Variants in SV2B observed in about 807,000 individuals in gnomAD.
SV2B encodes the protein synaptic vesicle glycoprotein 2B, also known as solute carrier family 22 member B2.
Under a neutral mutation model 73.9 loss-of-function variants are expected in SV2B, and 41 were observed. That is an observed-to-expected ratio of 0.56 (90% CI 0.43 to 0.72). The LOEUF is 0.72. SV2B is among the 30% of genes least tolerant of loss of function. The pLI is 0.00. For synonymous variants in SV2B, 314 were observed against 314.2 expected (o/e 1.00, Z 0.01); for missense variants, 764 against 857.8 (o/e 0.89, Z 1.37).
chr15:91,249,515 G>A (rs2047397799), intron 2 of SV2B, among the ~76,000 whole-genome samples: 1 of 152,210 alleles, frequency 6.6e-6, no homozygotes, highest in African/African-American at 2.4e-5. Context: ...ATGAACTAAT[G>A]TAAAGAGAAG....
Position 91,139,901 on chromosome 15 carries a change from A to C in SV2B, c.-392+39538A>C, listed in dbSNP as rs989690768. ...CCAAGGAAGGGAGGAAGATCCGGCC[A>C]CTTTGTTCCTAGAGTTTGGTGAGAG... On this transcript the variant is annotated intron_variant, in intron 1 of 12. Transcript: ENST00000394232. The surrounding 1 kb of genome is among the most constrained non-coding windows in gnomAD (Gnocchi z 5.2). 6.6e-6 allele frequency among the ~76,000 whole-genome samples: 1 copy of C among 152,212 alleles called. No homozygotes were observed. Among genetic ancestry groups the C allele is most frequent in the Non-Finnish European group, 1.5e-5 (1 of 68,036 alleles).
rs139925064 is a variant in SV2B at position 91,101,357 on chromosome 15, G to A, written c.-392+994G>A. ...CTGCCCTTTCCAGAAGAGGTGACTT[G>A]TTCTGCTTGTTCCAGTTGGTGCAGT... On this transcript the variant is annotated intron_variant, in intron 1 of 12. Transcript: ENST00000394232. 7.9e-5 allele frequency among the ~76,000 whole-genome samples: 12 copies of A among 152,200 alleles called. No homozygotes were observed. The East Asian group carries it at 2.3e-3, about 29-fold the overall frequency.
Position 91,240,064 on chromosome 15 carries a change from C to T in SV2B, c.452-11755C>T, listed in dbSNP as rs544956261. Among the ~76,000 whole-genome samples the T allele has an allele frequency of 4.6e-5, 7 of 152,200 alleles. No individual in the cohort carries two copies. Among genetic ancestry groups the T allele is most frequent in the Admixed American group, 1.3e-4 (2 of 15,300 alleles). ...TCTGAGGAGGCAATCTCTCTGAACA[C>T]GTTTAATACCTGAACAAAAGCCAGG... On this transcript the variant is annotated intron_variant, in intron 2 of 12. Coordinates refer to ENST00000394232, the MANE Select transcript of SV2B (RefSeq NM_001323032.3). This position sits in a 1 kb window ranked among gnomAD's most constrained non-coding sequence, Gnocchi z 4.6.
intron 1 of SV2B, among the ~76,000 whole-genome samples, chr15:91,133,732 G>A (rs539655415): frequency 1.8e-4 from 27 of 152,036 alleles, no homozygotes; most frequent in Non-Finnish European, 2.8e-4. Context: ...ACAGCTTGGC[G>A]CCATGGCAAC....
intron 1 of SV2B, among the ~76,000 whole-genome samples, chr15:91,206,449 G>A (rs1028322272): frequency 1.3e-5 from 2 of 152,114 alleles, no homozygotes; most frequent in African/African-American, 4.8e-5. Flanking sequence ...CATCCACATG[G>A]GGCTGCTCTT....
At chr15:91,170,132 A>G (rs1474420791) in intron 1 of SV2B, among the ~76,000 whole-genome samples, 1 of 152,176 alleles carries the variant, frequency 6.6e-6, no homozygotes, top group South Asian at 2.1e-4. Context: ...ATTTTTTTAA[A>G]GACCTTGACC....
chr15:91,171,438 C>A (rs1015949803), intron 1 of SV2B, among the ~76,000 whole-genome samples: 4 of 152,154 alleles, frequency 2.6e-5, no homozygotes, highest in African/African-American at 9.7e-5. Flanking sequence ...TCTTGACTGG[C>A]TGGGCCAGGC....
At chr15:91,291,985 A>G (rs1392376731) in intron 12 of SV2B, among the ~76,000 whole-genome samples, 1 of 152,146 alleles carries the variant, frequency 6.6e-6, no homozygotes, top group Non-Finnish European at 1.5e-5. Context: ...GAGGGTTGAG[A>G]GTGTTAAAAG....
chr15:91,272,639 C>T (rs2048351535), intron 9 of SV2B, among the ~76,000 whole-genome samples: 1 of 151,890 alleles, frequency 6.6e-6, no homozygotes. Context: ...GTGAATAGCT[C>T]AGTATGAAAA....
intron 1 of SV2B, among the ~76,000 whole-genome samples, chr15:91,194,186 T>C (rs1181734248): frequency 6.6e-6 from 1 of 150,662 alleles, no homozygotes; most frequent in Non-Finnish European, 1.5e-5. Context: ...GCAGAAAGAG[T>C]AGGACAAGCA....
rs2042562864 is a variant in SV2B, at chr15:91,128,852, TC to T, written c.-392+28491del. 1 of 152,226 alleles carries T rather than the reference TC, an allele frequency of 6.6e-6. No individual in the cohort carries two copies. The highest frequency in any genetic ancestry group is 2.4e-5 in the African/African-American group (1 of 41,456). The allele number at this position is 152,226 out of a possible 1,614,324, so 9.4% of individuals were successfully genotyped here. A position where few individuals can be genotyped will look rare whatever the true frequency, so the allele number is the denominator to read the frequency against. ...TCCTCACTTAGTCATGAGCACTAGA[TC>T]CTATCCTTTTTGTCCAATCATATTT... On this transcript the variant is annotated intron_variant, in intron 1 of 12. Coordinates refer to ENST00000394232, the MANE Select transcript of SV2B (RefSeq NM_001323032.3). This position sits in a 1 kb window ranked among gnomAD's most constrained non-coding sequence, Gnocchi z 4.2.
Position 91,258,427 on chromosome 15 carries a change from G to A in SV2B, c.791G>A (p.Gly264Asp). 2 of 1,614,016 alleles carry A rather than the reference G, an allele frequency of 1.2e-6. No individual in the cohort carries two copies. Among genetic ancestry groups the A allele is most frequent in the Non-Finnish European group, 1.7e-6 (2 of 1,179,958 alleles). Residue 264 changes from glycine to aspartate, a missense_variant, in exon 5 of 13, where the codon GGC becomes GAC. Coordinates refer to ENST00000394232, the MANE Select transcript of SV2B (RefSeq NM_001323032.3). This position sits in a 1 kb window ranked among gnomAD's most constrained non-coding sequence, Gnocchi z 4.7. Reference sequence around the variant, plus strand: ...ACTGACTGCTCCTTTGCAGGCTGGGGCTTCAGCATGGGGACCAATTACCAC... The same window carrying A: ...ACTGACTGCTCCTTTGCAGGCTGGGACTTCAGCATGGGGACCAATTACCAC... ...AWSIIPHYGW[G>D]FSMGTNYHFH...
chr15:91,290,788 A>T lies in SV2B; in HGVS notation c.1868+1108A>T, dbSNP rs148545125. ...TGATTTGGGAGGCCGAGGCAAAAGG[A>T]TTGCTTGAAGGCTGGAGTTCAAGAT... On this transcript the variant is annotated intron_variant, in intron 12 of 12. Transcript: ENST00000394232. This position sits in a 1 kb window ranked among gnomAD's most constrained non-coding sequence, Gnocchi z 4.7. Among the ~76,000 whole-genome samples, 23 of 152,236 alleles carry T rather than the reference A, an allele frequency of 1.5e-4. No homozygotes were observed. Among genetic ancestry groups the T allele is most frequent in the African/African-American group, 5.3e-4 (22 of 41,544 alleles).
chr15:91,170,660 C>T (rs1567311000), intron 1 of SV2B, among the ~76,000 whole-genome samples: 1 of 152,234 alleles, frequency 6.6e-6, no homozygotes, highest in African/African-American at 2.4e-5. Context: ...AAATATCTGA[C>T]TGTCCCTGCC....
chr15:91,172,262 C>T (rs76480488), intron 1 of SV2B, among the ~76,000 whole-genome samples: 7,289 of 152,292 alleles, frequency 0.048, 237 homozygotes, highest in South Asian at 0.092. Context: ...GCTATCTCTG[C>T]TTATAAGCTG....
chr15:91,144,424 T>A (rs1233019670), intron 1 of SV2B, among the ~76,000 whole-genome samples: 5 of 152,222 alleles, frequency 3.3e-5, no homozygotes, highest in South Asian at 2.1e-4. Flanking sequence ...GATTTTTTTT[T>A]AAAAAAGCAT....
intron 1 of SV2B, among the ~76,000 whole-genome samples, chr15:91,153,439 T>C (rs1188256858): frequency 2.0e-5 from 3 of 152,176 alleles, no homozygotes; most frequent in African/African-American, 7.2e-5. Flanking sequence ...GTTTTAGGTC[T>C]GTGACCTTGG....
At chr15:91,175,432 T>C (rs1322745405) in intron 1 of SV2B, among the ~76,000 whole-genome samples, 1 of 152,064 alleles carries the variant, frequency 6.6e-6, no homozygotes, top group Non-Finnish European at 1.5e-5. Context: ...TTTTTTGTAT[T>C]TTTAATAGAG....
Position 91,229,563 on chromosome 15 carries a change from A to G in SV2B, c.451+2849A>G, listed in dbSNP as rs8035254. Among the ~76,000 whole-genome samples the G allele has an allele frequency of 0.35, 53,344 of 152,014 alleles. 14,183 individuals are homozygous for G. Among genetic ancestry groups the G allele is most frequent in the African/African-American group, 0.75 (31,223 of 41,438 alleles). ...GCCAGTTCTTAGTAGTGTGGTTTTG[A>G]GAAAGTTGCCTGGCTTCTCTGTGCC... On this transcript the variant is annotated intron_variant, in intron 2 of 12. Coordinates refer to ENST00000394232, the MANE Select transcript of SV2B (RefSeq NM_001323032.3). This position sits in a 1 kb window ranked among gnomAD's most constrained non-coding sequence, Gnocchi z 4.3.
Sources: gnomAD v4.1 joint callset for allele counts (sites outside exome capture counted in the v4.1 genomes callset) on GRCh38, gnomAD v4.1.1 for gene constraint, Gnocchi (gnomAD v3.1) non-coding constraint, MANE v1.5 for transcripts, NCBI Gene and HGNC (gene_info 2026-07-23, HGNC 2026-07-21) for gene names.